The following LAMA4 variants were observed in gnomAD, a reference collection of about 807,000 sequenced individuals.
The protein encoded by LAMA4 is laminin subunit alpha 4.
LAMA4 carries 127 observed loss-of-function variants against 207.1 expected under a neutral mutation model. That is an observed-to-expected ratio of 0.61 (90% confidence interval 0.53 to 0.71). The LOEUF is 0.71. LAMA4 is among the 30% of genes least tolerant of loss of function. LAMA4 has a pLI of 0.00. For missense variants in LAMA4, 2,093 were observed against 2,246.5 expected, an observed-to-expected ratio of 0.93 and a Z score of 1.38; for synonymous variants, 761 against 816.0, an observed-to-expected ratio of 0.93 and a Z score of 1.15.
At chr6:112,136,036 G>T in intron 25 of LAMA4, 87 bp downstream of exon 25, 2 of 1,182,914 alleles carry the variant, frequency 1.7e-6, no homozygotes, top group Non-Finnish European at 1.2e-6. Flanking sequence ...TTACCATCCT[G>T]CCTGTCTCAT....
intron 2 of LAMA4, among the ~76,000 whole-genome samples, chr6:112,247,461 A>T (rs1360749757): frequency 2.0e-5 from 3 of 152,204 alleles, no homozygotes; most frequent in Non-Finnish European, 4.4e-5. Context: ...ATTAAAAAAA[A>T]TTTGAGTCAG....
chr6:112,132,957 TC>T, intron 27 of LAMA4, 67 bp from the exon 28 acceptor site: 1 of 1,509,646 alleles, frequency 6.6e-7, no homozygotes, highest in Non-Finnish European at 9.2e-7. Context: ...TATCAATGTT[TC>T]ACATACGGAA....
At position 112,216,471 on chromosome 6, in the gene LAMA4, T is replaced by G. The variant is rs1784631494; in HGVS notation, c.196-2A>C. On this transcript the variant is annotated splice_acceptor_variant, in intron 2 of 38. Coordinates refer to ENST00000230538, the MANE Select transcript of LAMA4 (RefSeq NM_001105206.3). LOFTEE classifies it high-confidence loss of function. ...GTGAAAGAATCCAGCATTGCATTTC[T>G]GCAACAGACACACCAAACCATTTTG... 1 of 1,600,160 alleles carries G rather than the reference T, an allele frequency of 6.2e-7. No homozygotes were observed. Among genetic ancestry groups the G allele is most frequent in the Non-Finnish European group, 8.6e-7 (1 of 1,167,302 alleles).
intron 7 of LAMA4, among the ~76,000 whole-genome samples, chr6:112,188,358 C>G (rs1554347397): frequency 6.6e-6 from 1 of 152,204 alleles, no homozygotes. Flanking sequence ...AGGCAGGCAT[C>G]TTGATGTTCT....
At chr6:112,182,316 A>G (rs1300804766) in intron 9 of LAMA4, among the ~76,000 whole-genome samples, 1 of 152,158 alleles carries the variant, frequency 6.6e-6, no homozygotes, top group Non-Finnish European at 1.5e-5. Context: ...TATATATATT[A>G]TATCTAAATT....
At chr6:112,238,606 C>T (rs1786116339) in intron 2 of LAMA4, among the ~76,000 whole-genome samples, 1 of 152,054 alleles carries the variant, frequency 6.6e-6, no homozygotes, top group Non-Finnish European at 1.5e-5. Context: ...ACTCCAGAGG[C>T]TGAGGCAGGA....
At chr6:112,159,165 ATG>A (rs1338421250) in intron 13 of LAMA4, 24 of 332,048 alleles carry the variant, frequency 7.2e-5, no homozygotes, top group Non-Finnish European at 1.3e-4. Flanking sequence ...TTATCCACAC[ATG>A]TCCCTAATGT....
intron 5 of LAMA4, among the ~76,000 whole-genome samples, chr6:112,197,166 G>A (rs1156864217): frequency 6.6e-6 from 1 of 152,110 alleles, no homozygotes. Flanking sequence ...CATGATCATG[G>A]TCTAAATACA....
At chr6:112,151,686 G>A (rs556695812) in intron 16 of LAMA4, among the ~76,000 whole-genome samples, 3 of 151,844 alleles carry the variant, frequency 2.0e-5, no homozygotes, top group Non-Finnish European at 4.4e-5. Flanking sequence ...AAATTAAATC[G>A]GATTTTTACA....
chr6:112,242,149 G>C (rs1786564587), intron 2 of LAMA4, among the ~76,000 whole-genome samples: 1 of 152,172 alleles, frequency 6.6e-6, no homozygotes, highest in Admixed American at 6.5e-5. Flanking sequence ...GCTGAGAAGA[G>C]TTAGGTGGGA....
chr6:112,207,577 T>C (rs1784134294), intron 3 of LAMA4, among the ~76,000 whole-genome samples: 1 of 145,456 alleles, frequency 6.9e-6, no homozygotes, highest in Non-Finnish European at 1.5e-5. Flanking sequence ...TCCATGGCAA[T>C]GGGAACAATA....
chr6:112,215,941 T>C (rs1784601762), intron 3 of LAMA4, among the ~76,000 whole-genome samples: 1 of 152,230 alleles, frequency 6.6e-6, no homozygotes, highest in African/African-American at 2.4e-5. Context: ...TTTTGATCTA[T>C]AGACCTGGTT....
At chr6:112,224,115 A>G (rs1785067953) in intron 2 of LAMA4, among the ~76,000 whole-genome samples, 1 of 152,122 alleles carries the variant, frequency 6.6e-6, no homozygotes, top group Non-Finnish European at 1.5e-5. Context: ...CATACCATGC[A>G]CTTTCACATC....
At chr6:112,156,593 G>A (rs190394567) in intron 14 of LAMA4, among the ~76,000 whole-genome samples, 1 of 152,154 alleles carries the variant, frequency 6.6e-6, no homozygotes, top group African/African-American at 2.4e-5. Flanking sequence ...ATTTTATTCA[G>A]TCTTAAATCC....
intron 3 of LAMA4, among the ~76,000 whole-genome samples, chr6:112,208,227 G>A (rs17073572): frequency 0.1 from 15,708 of 152,162 alleles, 1,080 homozygotes; most frequent in African/African-American, 0.18. Flanking sequence ...TAGTCACACC[G>A]ATGCATAAGA....
chr6:112,216,294 A>G, intron 3 of LAMA4, 74 bp downstream of exon 3: 1 of 1,053,966 alleles, frequency 9.5e-7, no homozygotes, highest in South Asian at 1.3e-5. Flanking sequence ...CAAACATCCG[A>G]AAAATATTTT....
At chr6:112,204,203 G>A (rs1258465469) in intron 4 of LAMA4, among the ~76,000 whole-genome samples, 1 of 152,152 alleles carries the variant, frequency 6.6e-6, no homozygotes, top group Non-Finnish European at 1.5e-5. Context: ...TCACTGCTGT[G>A]TCACCAGTGA....
chr6:112,158,919 AG>A, intron 13 of LAMA4, 39 bp from the exon 14 acceptor site: 1 of 1,407,802 alleles, frequency 7.1e-7, no homozygotes, highest in Middle Eastern at 1.8e-4. Flanking sequence ...TGAATTTAGA[AG>A]AACTTAAAAC....
chr6:112,241,140 T>TC (rs1554187576), intron 2 of LAMA4, among the ~76,000 whole-genome samples: 3 of 68,410 alleles, frequency 4.4e-5, no homozygotes, highest in African/African-American at 9.7e-5. Context: ...TATATAGGAA[T>TC]ATATATATGA....
Sources: gnomAD v4.1 joint callset for allele counts (sites outside exome capture counted in the v4.1 genomes callset) on GRCh38, gnomAD v4.1.1 for gene constraint, MANE v1.5 for transcripts, NCBI Gene and HGNC (gene_info 2026-07-23, HGNC 2026-07-21) for gene names.